PECAM1: variants seen among roughly 807,000 people sequenced by gnomAD.
PECAM1 encodes the protein platelet endothelial cell adhesion molecule.
Under a neutral mutation model 13.8 loss-of-function variants are expected in PECAM1, and 8 were observed. That is an observed-to-expected ratio of 0.58 (90% CI 0.34 to 1.05). The LOEUF is 1.05. PECAM1 is among the 50% of genes least tolerant of loss of function. The pLI, the probability that PECAM1 is intolerant of heterozygous loss-of-function variation, is 0.03. For synonymous variants in PECAM1, 136 were observed against 52.6 expected, an observed-to-expected ratio of 2.58 and a Z score of -6.86; for missense variants, 304 against 141.2, an observed-to-expected ratio of 2.15 and a Z score of -5.84.
chr17:64,358,294 T>A (rs1272618051), intron 7 of PECAM1, among the ~76,000 whole-genome samples: 2 of 151,974 alleles, frequency 1.3e-5, no homozygotes, highest in African/African-American at 4.8e-5. Context: ...AATTTTTGTA[T>A]TTTTAGTAGA....
chr17:64,347,374 T>A (rs1031792940), intron 13 of PECAM1, among the ~76,000 whole-genome samples: 51 of 149,232 alleles, frequency 3.4e-4, no homozygotes, highest in African/African-American at 1.2e-3. Flanking sequence ...AAAAAAAAAA[T>A]AAATAAATTA....
intron 13 of PECAM1, among the ~76,000 whole-genome samples, chr17:64,345,711 T>TAA (rs34143232): frequency 9.8e-5 from 8 of 81,614 alleles, no homozygotes; most frequent in Admixed American, 1.5e-4. Context: ...AAGACTGTCA[T>TAA]AAAAAAAAAA....
intron 5 of PECAM1, 28 bp from the exon 6 acceptor site, chr17:64,363,425 G>A (rs1289209389): frequency 1.1e-5 from 5 of 474,956 alleles, no homozygotes; most frequent in Middle Eastern, 5.9e-4. Flanking sequence ...GGAATGGAGC[G>A]AGATGTGTCT....
intron 14 of PECAM1, among the ~76,000 whole-genome samples, chr17:64,336,277 AAAAAGAAAG>A (rs2035274132): frequency 1.3e-5 from 2 of 151,342 alleles, no homozygotes; most frequent in Admixed American, 6.6e-5. Context: ...AAAAAAAAAA[AAAAAGAAAG>A]AAAGAAAGAA....
At chr17:64,381,866 C>T (rs1031119797) in intron 2 of PECAM1, among the ~76,000 whole-genome samples, 26 of 152,140 alleles carry the variant, frequency 1.7e-4, no homozygotes, top group Non-Finnish European at 2.9e-4. Context: ...TTTGGGAGGC[C>T]GAGGCGGGTG....
chr17:64,360,372 C>T lies in PECAM1; in HGVS notation c.1260G>A (p.Glu420=). 4.2e-6 allele frequency: 2 copies of T among 475,314 alleles called. No individual in the cohort carries two copies. The highest frequency in any genetic ancestry group is 7.7e-6 in the Non-Finnish European group (2 of 259,042). 29.4% of individuals were successfully genotyped at this position (475,314 alleles called of 1,614,324 possible). A position where few individuals can be genotyped will look rare whatever the true frequency, so the allele number is the denominator to read the frequency against. Residue 420 remains glutamate (E), a synonymous_variant, in exon 7 of 16, where the codon GAG becomes GAA. Transcript: ENST00000563924. The part of the protein sequence containing the change: ...QPRISYDAQF[E]VIKGQTIEVR... ...CTTCGATGGTCTGTCCTTTTATGAC[C>T]TCAAACTGGGCATCATAAGAAATCC...
chr17:64,334,510 C>T (rs2035215876), intron 14 of PECAM1, among the ~76,000 whole-genome samples: 1 of 151,932 alleles, frequency 6.6e-6, no homozygotes, highest in Non-Finnish European at 1.5e-5. Context: ...CCACACTGGG[C>T]CCCAATTTTT....
chr17:64,369,788 C>A lies in PECAM1; in HGVS notation c.929G>T (p.Arg310Leu), dbSNP rs946564658. 1 of 398,552 alleles carries A rather than the reference C, an allele frequency of 2.5e-6. No homozygotes were observed. The highest frequency in any genetic ancestry group is 4.4e-6 in the Non-Finnish European group (1 of 226,108). 24.7% of individuals were successfully genotyped at this position (398,552 alleles called of 1,614,324 possible). The change falls in exon 5 of 16, where the codon CGC becomes CTC. Residue 310 changes from arginine to leucine, a missense_variant. By Grantham distance (102) the Arg-to-Leu change is moderately radical. Transcript: ENST00000563924. ...GNYTCKVESS[R>L]ISKVSSIVVN... ...CACGATGCTGCTGACCTTGGATATG[C>A]GGCTGGACTCCACTTTGCACGTGTA...
At position 64,355,584 on chromosome 17, in the gene PECAM1, C is replaced by T. The variant is rs1162432498; in HGVS notation, c.1780+527G>A. Reference sequence around the variant, plus strand: ...AAGTGATTCTCATGTCTCAGCCTCCCGAGTAGCTGGGATTACAGGTATGAG... The same window carrying T: ...AAGTGATTCTCATGTCTCAGCCTCCTGAGTAGCTGGGATTACAGGTATGAG... On this transcript the variant is annotated intron_variant, in intron 8 of 15. Transcript: ENST00000563924. Among the ~76,000 whole-genome samples the T allele has an allele frequency of 2.6e-5, 4 of 152,242 alleles. No homozygotes were observed. The East Asian group carries it at 5.8e-4, about 22-fold the overall frequency.
chr17:64,330,752 CT>C (rs11388542), intron 14 of PECAM1, among the ~76,000 whole-genome samples: 22 of 149,184 alleles, frequency 1.5e-4, no homozygotes, highest in African/African-American at 3.9e-4. Context: ...CCTGTTGATA[CT>C]TTTTTTTTTC....
chr17:64,351,150 T>C (rs1378813695), intron 11 of PECAM1, among the ~76,000 whole-genome samples: 3 of 152,168 alleles, frequency 2.0e-5, no homozygotes, highest in African/African-American at 7.2e-5. Flanking sequence ...AGTGTTGAGA[T>C]TACAGGCGTG....
chr17:64,359,761 T>C (rs2035930473), intron 7 of PECAM1, among the ~76,000 whole-genome samples: 1 of 147,306 alleles, frequency 6.8e-6, no homozygotes. Context: ...TCTCTCGCTT[T>C]TTTTTTTTTT....
At chr17:64,346,969 G>A (rs8069746) in intron 13 of PECAM1, among the ~76,000 whole-genome samples, 10,694 of 149,762 alleles carry the variant, frequency 0.071, 1,258 homozygotes, top group African/African-American at 0.26. Flanking sequence ...GGGTTTGGCA[G>A]GGGGTCTACC....
chr17:64,352,452 G>A lies in PECAM1; in HGVS notation c.1928C>T (p.Pro643Leu), dbSNP rs45552934. The change falls in exon 11 of 16, where the codon CCA becomes CTA. Residue 643 changes from proline (P) to leucine (L), a missense_variant. By Grantham distance (98) the Pro-to-Leu change is moderately conservative. Transcript: ENST00000563924. The stretch of plus-strand genomic sequence containing the variant: ...TTTCTCGTTGTTGGAGTTCAGAAGT[G>A]GTACTGCTGGCCTTAAAATGAAATA... ...MPVEMSRPAVPLLNSNNEKMS... is the reference protein window; with the variant it reads ...MPVEMSRPAVLLLNSNNEKMS... The A allele has an allele frequency of 2.5e-3, 1,193 of 474,952 alleles. 1 individual carries two copies. Among genetic ancestry groups the A allele is most frequent in the Non-Finnish European group, 3.8e-3 (980 of 258,938 alleles). The allele number at this position is 474,952 out of a possible 1,614,324, so 29.4% of individuals were successfully genotyped here.
intron 6 of PECAM1, among the ~76,000 whole-genome samples, chr17:64,362,768 C>T (rs1418516780): frequency 6.6e-6 from 1 of 151,880 alleles, no homozygotes; most frequent in Non-Finnish European, 1.5e-5. Context: ...CAGGAGATCA[C>T]TTGAACCTAG....
At chr17:64,390,052 A>G (rs1332209659) in intron 2 of PECAM1, 1 of 156,836 alleles carries the variant, frequency 6.4e-6, no homozygotes, top group Non-Finnish European at 1.4e-5. Flanking sequence ...TCAAAAAAAA[A>G]AGGAAAAAAA....
chr17:64,336,832 T>C (rs1477096580), intron 14 of PECAM1, among the ~76,000 whole-genome samples: 1 of 149,546 alleles, frequency 6.7e-6, no homozygotes, highest in East Asian at 2.0e-4. Context: ...CACTCCAGCC[T>C]GGGTGACACA....
intron 14 of PECAM1, among the ~76,000 whole-genome samples, chr17:64,338,049 T>C (rs2035328668): frequency 6.6e-6 from 1 of 151,772 alleles, no homozygotes; most frequent in Non-Finnish European, 1.5e-5. Context: ...AATTAAGTTT[T>C]TTGGAACCCA....
intron 15 of PECAM1, among the ~76,000 whole-genome samples, chr17:64,328,800 A>C (rs1287778895): frequency 6.6e-6 from 1 of 152,226 alleles, no homozygotes; most frequent in African/African-American, 2.4e-5. Flanking sequence ...TTCAGATATT[A>C]GCTGCCCAGT....
Sources: gnomAD v4.1 joint callset for allele counts (sites outside exome capture counted in the v4.1 genomes callset) on GRCh38, gnomAD v4.1.1 for gene constraint, MANE v1.5 for transcripts, NCBI Gene and HGNC (gene_info 2026-07-23, HGNC 2026-07-21) for gene names.